Variants in MID1 observed in about 807,000 individuals in gnomAD.
MID1 encodes the protein midline 1.
A neutral mutation model predicts 40.4 loss-of-function variants in MID1; 7 were observed. That is an observed-to-expected ratio of 0.17 (90% CI 0.10 to 0.33). The LOEUF (loss-of-function observed/expected upper bound fraction) is 0.33, where lower values mean the gene tolerates loss of function less well. Ranked by LOEUF, MID1 falls within the 10% of genes least tolerant of loss-of-function variation. The pLI is 1.00. For missense variants in MID1, 367 were observed against 558.5 expected (o/e 0.66, Z 3.46); for synonymous variants, 229 against 221.2 (o/e 1.04, Z -0.31).
chrX:10,518,482 C>T (rs1402476115), intron 3 of MID1, among the ~76,000 whole-genome samples: 1 of 110,734 alleles, frequency 9.0e-6, no homozygotes, highest in African/African-American at 3.3e-5. Context: ...CCCCTACTAC[C>T]CCCTTCCCCA....
rs956742675 is a variant in MID1 at position 10,567,562 on chromosome X, C to T, written c.-15G>A. On this transcript the variant is annotated 5_prime_UTR_variant, in exon 2 of 10. Coordinates refer to ENST00000317552, the MANE Select transcript of MID1 (RefSeq NM_000381.4). ...AGTGTTTCCATCTTCAGGCAAAGCT[C>T]TCTTGTGTCATCAGCAAAACCCAAG... 1.7e-6 allele frequency: 2 copies of T among 1,209,416 alleles called. No individual in the cohort carries two copies. The highest frequency in any genetic ancestry group is 3.5e-5 in the African/African-American group (2 of 57,132).
At chrX:10,669,342 C>T (rs1311889528) in intron 1 of MID1, among the ~76,000 whole-genome samples, 1 of 110,507 alleles carries the variant, frequency 9.0e-6, no homozygotes, top group East Asian at 2.8e-4. Context: ...CAGTTCTCAC[C>T]TTCAAGCATT....
intron 1 of MID1, among the ~76,000 whole-genome samples, chrX:10,595,775 A>T (rs1283064023): frequency 9.0e-6 from 1 of 111,377 alleles, no homozygotes; most frequent in East Asian, 2.8e-4. Flanking sequence ...AGCAAATAAC[A>T]ATGTAATATA....
chrX:10,468,949 T>C (rs1436091876), intron 7 of MID1, among the ~76,000 whole-genome samples: 1 of 112,573 alleles, frequency 8.9e-6, no homozygotes, highest in Non-Finnish European at 1.9e-5. Flanking sequence ...ACTAAATGTA[T>C]GATAAAATGA....
chrX:10,610,501 TGTTATG>T (rs1322273874), intron 1 of MID1, among the ~76,000 whole-genome samples: 5 of 111,604 alleles, frequency 4.5e-5, no homozygotes, highest in Admixed American at 9.5e-5. Context: ...CTCTGTGGAC[TGTTATG>T]GAAAGATCTC....
intron 1 of MID1, among the ~76,000 whole-genome samples, chrX:10,656,328 C>G (rs2042872029): frequency 1.8e-5 from 2 of 111,999 alleles, no homozygotes; most frequent in Admixed American, 9.4e-5. Flanking sequence ...AAACAAACTA[C>G]AAAAGAACCT....
At chrX:10,631,082 T>C (rs1444429658) in intron 1 of MID1, among the ~76,000 whole-genome samples, 1 of 111,253 alleles carries the variant, frequency 9.0e-6, no homozygotes. Context: ...GTTTATACTA[T>C]ACATGGAAAA....
chrX:10,622,981 C>A (rs1935951083), upstream of MID1, among the ~76,000 whole-genome samples: 1 of 107,872 alleles, frequency 9.3e-6, no homozygotes, highest in South Asian at 4.1e-4. Flanking sequence ...AGGTGGCTCA[C>A]ACCTGTAATC....
chrX:10,621,137 T>A (rs926951006), upstream of MID1, among the ~76,000 whole-genome samples: 13 of 111,847 alleles, frequency 1.2e-4, no homozygotes, highest in South Asian at 4.9e-3. Flanking sequence ...TGAACAAGAA[T>A]CTTTACCTAC....
At chrX:10,458,532 G>C (rs1928822122) in intron 8 of MID1, among the ~76,000 whole-genome samples, 1 of 111,783 alleles carries the variant, frequency 8.9e-6, no homozygotes, top group Non-Finnish European at 1.9e-5. Flanking sequence ...GTTAATATTT[G>C]GGCAAACTGG....
chrX:10,639,073 C>T (rs777078792), intron 1 of MID1, among the ~76,000 whole-genome samples: 6 of 112,244 alleles, frequency 5.3e-5, no homozygotes, highest in Non-Finnish European at 1.1e-4. Context: ...AGCAGAAAAG[C>T]TGAAAATTCT....
intron 2 of MID1, among the ~76,000 whole-genome samples, chrX:10,547,808 G>A: frequency 9.0e-6 from 1 of 111,145 alleles, no homozygotes; most frequent in East Asian, 2.8e-4. Flanking sequence ...TATAATTTGG[G>A]AACTCAAATT....
At chrX:10,574,245 T>C (rs1934814601) in intron 1 of MID1, among the ~76,000 whole-genome samples, 1 of 110,885 alleles carries the variant, frequency 9.0e-6, no homozygotes, top group Non-Finnish European at 1.9e-5. Flanking sequence ...AGAGTCAGAA[T>C]GATGAGATAT....
chrX:10,505,548 TG>T (rs1931787440), intron 3 of MID1: 11 of 753,820 alleles, frequency 1.5e-5, no homozygotes, highest in Non-Finnish European at 1.7e-5. Context: ...CATGGGTGTT[TG>T]TCTCTATCAC....
At position 10,457,503 on chromosome X, in the gene MID1, C is replaced by T. The variant is rs779931791; in HGVS notation, c.1447+2143G>A. Among the ~76,000 whole-genome samples the T allele has an allele frequency of 8.9e-5, 10 of 112,314 alleles. No individual in the cohort carries two copies. In the South Asian group the frequency reaches 1.1e-3, roughly 13 times the overall value. The stretch of plus-strand genomic sequence containing the variant: ...TTCATTATAATATTTGTATGGGACA[C>T]GACTCTTATTCAGGCCGTTGTTTAC... On this transcript the variant is annotated intron_variant, in intron 8 of 9. Coordinates refer to ENST00000317552, the MANE Select transcript of MID1 (RefSeq NM_000381.4).
In MID1 at chrX:10,506,462, G is replaced by C. The variant is rs191673905; in HGVS notation, c.757-10771C>G. 24 of 561,169 alleles carry C rather than the reference G, an allele frequency of 4.3e-5. No individual in the cohort carries two copies. In the East Asian group the frequency reaches 8.6e-4, roughly 20 times the overall value. The allele number at this position is 561,169 out of a possible 1,213,427, so 46.2% of individuals were successfully genotyped here. Reference sequence around the variant, plus strand: ...GAGATTAACCCCATTGGGCAACTCTGGGAAACAGTACAGAACATTCCAGCT... The same window carrying C: ...GAGATTAACCCCATTGGGCAACTCTCGGAAACAGTACAGAACATTCCAGCT... On this transcript the variant is annotated intron_variant, in intron 3 of 9. Coordinates refer to ENST00000317552, the MANE Select transcript of MID1 (RefSeq NM_000381.4).
intron 5 of MID1, among the ~76,000 whole-genome samples, chrX:10,476,008 A>G (rs1346405589): frequency 2.7e-5 from 3 of 111,589 alleles, no homozygotes; most frequent in Non-Finnish European, 3.8e-5. Context: ...GTGGGTATAT[A>G]TCTATACAAC....
chrX:10,624,897 C>A (rs1176366935), upstream of MID1, among the ~76,000 whole-genome samples: 1 of 111,886 alleles, frequency 8.9e-6, no homozygotes. Flanking sequence ...CATGAATTTA[C>A]CAAGGGCTTG....
intron 1 of MID1, among the ~76,000 whole-genome samples, chrX:10,649,328 G>C (rs960512986): frequency 8.9e-6 from 1 of 111,787 alleles, no homozygotes; most frequent in African/African-American, 3.3e-5. Flanking sequence ...GTACAGCCTA[G>C]ACATCTTATC....
Sources: gnomAD v4.1 joint callset for allele counts (sites outside exome capture counted in the v4.1 genomes callset) on GRCh38, gnomAD v4.1.1 for gene constraint, MANE v1.5 for transcripts, NCBI Gene and HGNC (gene_info 2026-07-23, HGNC 2026-07-21) for gene names.